The following TTC9 variants were observed in gnomAD, a reference collection of about 807,000 sequenced individuals.
The protein encoded by TTC9 is tetratricopeptide repeat protein 9A.
TTC9 carries 13 observed loss-of-function variants against 22.9 expected under a neutral mutation model. The ratio of observed to expected loss-of-function variants is 0.57; its 90% CI spans 0.37 to 0.90. The LOEUF is 0.90. Ranked by LOEUF, TTC9 falls within the 40% of genes least tolerant of loss-of-function variation. The pLI, the probability that TTC9 is intolerant of heterozygous loss-of-function variation, is 0.01. For missense variants in TTC9, 280 were observed against 291.8 expected, an observed-to-expected ratio of 0.96 and a Z score of 0.29; for synonymous variants, 148 against 133.2, an observed-to-expected ratio of 1.11 and a Z score of -0.77.
chr14:70,668,266 G>T (rs1371812648), intron 2 of TTC9, among the ~76,000 whole-genome samples: 1 of 152,154 alleles, frequency 6.6e-6, no homozygotes, highest in Non-Finnish European at 1.5e-5. Flanking sequence ...ATATCCACCA[G>T]TCATTCATTC....
chr14:70,652,356 T>C (rs2139642319), intron 1 of TTC9, among the ~76,000 whole-genome samples: 1 of 152,364 alleles, frequency 6.6e-6, no homozygotes, highest in South Asian at 2.1e-4. Flanking sequence ...CCTTGGATGA[T>C]ACAGTCAGGC....
At chr14:70,642,982 C>G (rs1246702999) in intron 1 of TTC9, among the ~76,000 whole-genome samples, 1 of 152,242 alleles carries the variant, frequency 6.6e-6, no homozygotes, top group African/African-American at 2.4e-5. Flanking sequence ...GCCTTTTCCC[C>G]AACTAACCGC....
rs1389423781 is a variant in TTC9, at chr14:70,671,192, C to T, written c.*37C>T. On this transcript the variant is annotated 3_prime_UTR_variant, in exon 3 of 3. Coordinates refer to ENST00000256367, the MANE Select transcript of TTC9 (RefSeq NM_015351.2). ...CTCCAGAGCTGCGCCCACGCCTGAC[C>T]GGGGACTTCCAGGCATCCCCTGGCA... The T allele has an allele frequency of 1.9e-6, 3 of 1,582,588 alleles. No individual in the cohort carries two copies. Among genetic ancestry groups the T allele is most frequent in the Non-Finnish European group, 1.7e-6 (2 of 1,153,826 alleles).
At chr14:70,654,949 C>T (rs1252891543) in intron 1 of TTC9, among the ~76,000 whole-genome samples, 1 of 152,188 alleles carries the variant, frequency 6.6e-6, no homozygotes, top group Non-Finnish European at 1.5e-5. Flanking sequence ...AGTTGATTGG[C>T]ATAAGAGTAG....
chr14:70,654,397 C>T (rs1886028425), intron 1 of TTC9, among the ~76,000 whole-genome samples: 1 of 151,776 alleles, frequency 6.6e-6, no homozygotes, highest in Non-Finnish European at 1.5e-5. Flanking sequence ...TTGAGACCAG[C>T]CTGGCCAACA....
chr14:70,650,954 G>A (rs563010731), intron 1 of TTC9, among the ~76,000 whole-genome samples: 1 of 152,128 alleles, frequency 6.6e-6, no homozygotes, highest in Non-Finnish European at 1.5e-5. Context: ...GGCTAGGCAA[G>A]GAATAGGGCA....
rs553293588 is a variant in TTC9 at position 70,647,628 on chromosome 14, C to T, written c.406+5093C>T. Reference sequence around the variant, plus strand: ...TGATGAACTCTCACGCATCATGGGGCTCCTAGAATTCTTTGCTCCTGGGGC... The same window carrying T: ...TGATGAACTCTCACGCATCATGGGGTTCCTAGAATTCTTTGCTCCTGGGGC... On this transcript the variant is annotated intron_variant, in intron 1 of 2. Coordinates refer to ENST00000256367, the MANE Select transcript of TTC9 (RefSeq NM_015351.2). Among the ~76,000 whole-genome samples, 9 of 152,234 alleles carry T rather than the reference C, an allele frequency of 5.9e-5. No homozygotes were observed. In the East Asian group the frequency reaches 1.7e-3, roughly 29 times the overall value.
In TTC9 at chr14:70,671,623, C is replaced by G. The variant is rs948282764; in HGVS notation, c.*468C>G. On this transcript the variant is annotated 3_prime_UTR_variant, in exon 3 of 3. Coordinates refer to ENST00000256367, the MANE Select transcript of TTC9 (RefSeq NM_015351.2). ...GTTAGAAATCCAGGGACGAGACAAACAGAGAAGCGCTGGTGAAGCCAACAT... is the reference window on the plus strand; with the variant it reads ...GTTAGAAATCCAGGGACGAGACAAAGAGAGAAGCGCTGGTGAAGCCAACAT... The G allele has an allele frequency of 1.8e-4, 29 of 160,522 alleles. No individual in the cohort carries two copies. The highest frequency in any genetic ancestry group is 3.3e-4 in the Non-Finnish European group (24 of 73,256). The allele number at this position is 160,522 out of a possible 1,614,324, so 9.9% of individuals were successfully genotyped here. A position where few individuals can be genotyped will look rare whatever the true frequency, so the allele number is the denominator to read the frequency against.
chr14:70,643,955 A>C (rs1885866807), intron 1 of TTC9, among the ~76,000 whole-genome samples: 2 of 152,238 alleles, frequency 1.3e-5, no homozygotes, highest in Non-Finnish European at 2.9e-5. Flanking sequence ...TAGTACAGCA[A>C]AAATGGACTC....
rs528163428 is a variant in TTC9, at chr14:70,642,067, C to CGCGGCG, written c.-46_-41dup. ...CCCGCGGCTTTTAAACCCGGGAAGG[C>CGCGGCG]GCGGCGGCGGCGGCGGCGGCGGGCA... On this transcript the variant is annotated 5_prime_UTR_variant, in exon 1 of 3. Coordinates refer to ENST00000256367, the MANE Select transcript of TTC9 (RefSeq NM_015351.2). 2.5e-3 allele frequency: 2,510 copies of CGCGGCG among 996,266 alleles called. 32 individuals carry two copies. In the African/African-American group the frequency reaches 0.04, roughly 16 times the overall value. The allele number at this position is 996,266 out of a possible 1,614,324, so 61.7% of individuals were successfully genotyped here. A position where few individuals can be genotyped will look rare whatever the true frequency, so the allele number is the denominator to read the frequency against.
chr14:70,644,129 T>C (rs1300519171), intron 1 of TTC9, among the ~76,000 whole-genome samples: 2 of 152,212 alleles, frequency 1.3e-5, no homozygotes, highest in East Asian at 1.9e-4. Context: ...TGGAATCTTA[T>C]ATTTAGTCAG....
intron 1 of TTC9, among the ~76,000 whole-genome samples, chr14:70,664,236 C>T (rs1364094286): frequency 6.6e-6 from 1 of 151,810 alleles, no homozygotes; most frequent in African/African-American, 2.4e-5. Flanking sequence ...CAGGAGGCAG[C>T]CAGTCCACGT....
At chr14:70,659,716 A>C (rs1886118822) in intron 1 of TTC9, among the ~76,000 whole-genome samples, 1 of 152,240 alleles carries the variant, frequency 6.6e-6, no homozygotes, top group Admixed American at 6.5e-5. Context: ...TAAGCCCTAC[A>C]GGAAGCAGTA....
chr14:70,661,735 C>T (rs1886147116), intron 1 of TTC9, among the ~76,000 whole-genome samples: 1 of 152,188 alleles, frequency 6.6e-6, no homozygotes, highest in African/African-American at 2.4e-5. Context: ...CGTCTGTGTG[C>T]ATGAGTGTCG....
chr14:70,673,722 T>A lies in TTC9; in HGVS notation c.*2567T>A, dbSNP rs1374171480. 1 of 152,246 alleles carries A rather than the reference T, an allele frequency of 6.6e-6. No individual in the cohort carries two copies. Among genetic ancestry groups the A allele is most frequent in the Non-Finnish European group, 1.5e-5 (1 of 68,104 alleles). The allele number at this position is 152,246 out of a possible 1,614,324, so 9.4% of individuals were successfully genotyped here. ...AGGGTCTTCCCTTGGTCTTTGTGCG[T>A]CAGGAAGGACTCCGAGTAATTATTC... is the stretch of plus-strand genomic sequence containing the variant. On this transcript the variant is annotated 3_prime_UTR_variant, in exon 3 of 3. Coordinates refer to ENST00000256367, the MANE Select transcript of TTC9 (RefSeq NM_015351.2).
chr14:70,667,481 C>A (rs1594741666), intron 1 of TTC9, 83 bp from the exon 2 acceptor site: 2 of 1,498,292 alleles, frequency 1.3e-6, no homozygotes, highest in South Asian at 1.2e-5. Context: ...CCCTGCTAAA[C>A]CTCTGGAGAG....
At chr14:70,662,730 A>T (rs1325808957) in intron 1 of TTC9, among the ~76,000 whole-genome samples, 1 of 152,248 alleles carries the variant, frequency 6.6e-6, no homozygotes, top group Non-Finnish European at 1.5e-5. Context: ...AGTGGCAAAG[A>T]TGGGACTAGA....
chr14:70,646,949 T>C (rs576435910), intron 1 of TTC9, among the ~76,000 whole-genome samples: 4 of 152,334 alleles, frequency 2.6e-5, no homozygotes, highest in African/African-American at 7.2e-5. Context: ...TAGGACTCTT[T>C]GTTGAAAAGG....
chr14:70,652,207 G>A (rs916531318), intron 1 of TTC9, among the ~76,000 whole-genome samples: 2 of 152,182 alleles, frequency 1.3e-5, no homozygotes, highest in Non-Finnish European at 2.9e-5. Flanking sequence ...AGTCGGATTT[G>A]GGGAAGGAAA....
Sources: allele counts gnomAD v4.1 joint callset (sites outside exome capture counted in the v4.1 genomes callset), GRCh38; gene constraint gnomAD v4.1.1; transcripts MANE v1.5; gene names NCBI Gene and HGNC (gene_info 2026-07-23, HGNC 2026-07-21).